The following DNAJC11 variants were observed in gnomAD, a reference collection of about 807,000 sequenced individuals.
DNAJC11 encodes DnaJ heat shock protein family (Hsp40) member C11, also known as dnaJ homolog subfamily C member 11.
Under a neutral mutation model 78.6 loss-of-function variants are expected in DNAJC11, and 15 were observed. That is an observed-to-expected ratio of 0.19 (90% CI 0.13 to 0.29). The LOEUF is 0.29. Ranked by LOEUF, DNAJC11 falls within the 10% of genes least tolerant of loss-of-function variation. DNAJC11 has a pLI of 1.00. For synonymous variants in DNAJC11, 292 were observed against 272.1 expected (o/e 1.07, Z -0.72); for missense variants, 547 against 709.6 (o/e 0.77, Z 2.60).
chr1:6,652,753 G>C, intron 6 of DNAJC11, 76 bp downstream of exon 6: 1 of 1,589,850 alleles, frequency 6.3e-7, no homozygotes. Flanking sequence ...GAGTTTGAGG[G>C]TGAGCTTTGA....
At chr1:6,687,875 T>G (rs1642683082) in intron 1 of DNAJC11, among the ~76,000 whole-genome samples, 1 of 152,174 alleles carries the variant, frequency 6.6e-6, no homozygotes, top group Non-Finnish European at 1.5e-5. Flanking sequence ...CTGACTGATC[T>G]CCACAGGAAC....
intron 7 of DNAJC11, among the ~76,000 whole-genome samples, chr1:6,648,162 T>A (rs1178818730): frequency 6.6e-6 from 1 of 152,152 alleles, no homozygotes; most frequent in African/African-American, 2.4e-5. Context: ...GCAGCTTTTT[T>A]TCTTTTTTTT....
intron 1 of DNAJC11, among the ~76,000 whole-genome samples, chr1:6,682,763 A>C (rs1181488046): frequency 1.3e-5 from 2 of 152,122 alleles, no homozygotes; most frequent in Non-Finnish European, 2.9e-5. Context: ...CCCCATATCT[A>C]CCCAAAATAC....
Position 6,654,240 on chromosome 1 carries a change from G to A in DNAJC11, c.379-201C>T, listed in dbSNP as rs1037312355. 2.0e-5 allele frequency: 10 copies of A among 491,794 alleles called. No individual in the cohort carries two copies. The Admixed American group carries it at 3.2e-4, about 16-fold the overall frequency. 30.5% of individuals were successfully genotyped at this position (491,794 alleles called of 1,614,324 possible). On this transcript the variant is annotated intron_variant, in intron 4 of 15. Coordinates refer to ENST00000377577, the MANE Select transcript of DNAJC11 (RefSeq NM_018198.4). ...AACCAAACTGCAGAGCACCACAGACGTCCAGAGCTAGAAAACATCATTTGA... is the reference window on the plus strand; with the variant it reads ...AACCAAACTGCAGAGCACCACAGACATCCAGAGCTAGAAAACATCATTTGA...
intron 3 of DNAJC11, among the ~76,000 whole-genome samples, chr1:6,673,496 C>T (rs1469591342): frequency 6.6e-6 from 1 of 152,186 alleles, no homozygotes. Flanking sequence ...TCATCTGGTT[C>T]TAGCTAGTAA....
chr1:6,668,254 A>C (rs1343942968), intron 3 of DNAJC11: 1 of 155,126 alleles, frequency 6.4e-6, no homozygotes, highest in Admixed American at 6.4e-5. Context: ...CTCCTGCCTC[A>C]GCCTCCTGAG....
At chr1:6,639,870 G>A (rs768392705) in intron 11 of DNAJC11, 32 bp downstream of exon 11, 1 of 1,604,044 alleles carries the variant, frequency 6.2e-7, no homozygotes, top group South Asian at 1.1e-5. Flanking sequence ...CACAGGGCTG[G>A]CTAGTGACAT....
At chr1:6,690,215 C>T (rs928045160) in intron 1 of DNAJC11, among the ~76,000 whole-genome samples, 1 of 151,988 alleles carries the variant, frequency 6.6e-6, no homozygotes, top group Non-Finnish European at 1.5e-5. Context: ...TATATATATA[C>T]CAGATCAACG....
At chr1:6,651,695 C>A in intron 6 of DNAJC11, 93 bp from the exon 7 acceptor site, 1 of 907,682 alleles carries the variant, frequency 1.1e-6, no homozygotes. Context: ...ATAATTCCTT[C>A]ATTCAATTCA....
Position 6,645,545 on chromosome 1 carries a change from ATGT to A in DNAJC11, c.894+241_894+243del, listed in dbSNP as rs1641951630. Among the ~76,000 whole-genome samples, 1 of 152,084 alleles carries A rather than the reference ATGT, an allele frequency of 6.6e-6. No individual in the cohort carries two copies. The highest frequency in any genetic ancestry group is 1.5e-5 in the Non-Finnish European group (1 of 68,016). On this transcript the variant is annotated intron_variant, in intron 8 of 15. Coordinates refer to ENST00000377577, the MANE Select transcript of DNAJC11 (RefSeq NM_018198.4). The surrounding 1 kb of genome is among the most constrained non-coding windows in gnomAD (Gnocchi z 4.1). ...TGGGTGGCTCCCACCAGACATTAAG[ATGT>A]TGTTCTGCTTTAAGATGATCCAACA... is the stretch of plus-strand genomic sequence containing the variant.
chr1:6,673,257 A>C (rs1642409622), intron 3 of DNAJC11, among the ~76,000 whole-genome samples: 1 of 150,166 alleles, frequency 6.7e-6, no homozygotes, highest in African/African-American at 2.4e-5. Flanking sequence ...GTTCCAGACC[A>C]ACCCGGGCAA....
chr1:6,669,548 A>G (rs909524399), intron 3 of DNAJC11, among the ~76,000 whole-genome samples: 1 of 151,598 alleles, frequency 6.6e-6, no homozygotes, highest in African/African-American at 2.4e-5. Flanking sequence ...AAGAAAAGAA[A>G]AGAAAAGAAA....
intron 1 of DNAJC11, among the ~76,000 whole-genome samples, chr1:6,693,981 G>A (rs967657838): frequency 2.0e-5 from 3 of 151,742 alleles, no homozygotes; most frequent in Admixed American, 6.6e-5. Flanking sequence ...GATTACAGGC[G>A]CCCGCCATCA....
chr1:6,686,333 A>C (rs1642656447), intron 1 of DNAJC11, among the ~76,000 whole-genome samples: 1 of 152,230 alleles, frequency 6.6e-6, no homozygotes, highest in Admixed American at 6.5e-5. Context: ...ATAACTTAAG[A>C]ATGTAAAGGA....
rs1570280379 is a variant in DNAJC11 at position 6,656,502 on chromosome 1, T to G, written c.379-2463A>C. Among the ~76,000 whole-genome samples the G allele has an allele frequency of 2.0e-5, 3 of 152,144 alleles. No individual in the cohort carries two copies. In the South Asian group the frequency reaches 6.2e-4, roughly 31 times the overall value. On this transcript the variant is annotated intron_variant, in intron 4 of 15. Transcript: ENST00000377577. ...AAATACTTGGGCCAAGATATTTTTATGTTCTAATATGAAGAAATTTAGAAT... is the reference window on the plus strand; with the variant it reads ...AAATACTTGGGCCAAGATATTTTTAGGTTCTAATATGAAGAAATTTAGAAT...
At position 6,644,411 on chromosome 1, in the gene DNAJC11, G is replaced by C. The variant is rs1487568798; in HGVS notation, c.1097+147C>G. On this transcript the variant is annotated intron_variant, in intron 10 of 15. Transcript: ENST00000377577. ...GGCCTCCTAAAGTGCTGGGATTACA[G>C]GCATAAGCCACTGCACCTAGCCAAG... 6 of 674,822 alleles carry C rather than the reference G, an allele frequency of 8.9e-6. No individual in the cohort carries two copies. In the African/African-American group the frequency reaches 1.1e-4, roughly 12 times the overall value. 41.8% of individuals were successfully genotyped at this position (674,822 alleles called of 1,614,324 possible).
intron 3 of DNAJC11, among the ~76,000 whole-genome samples, chr1:6,669,333 A>C (rs906336325): frequency 3.3e-5 from 5 of 151,466 alleles, no homozygotes; most frequent in African/African-American, 1.2e-4. Flanking sequence ...AACATGGTGA[A>C]ACCCTGTCTC....
intron 2 of DNAJC11, among the ~76,000 whole-genome samples, chr1:6,678,985 A>T (rs1230398689): frequency 6.6e-6 from 1 of 152,198 alleles, no homozygotes; most frequent in Non-Finnish European, 1.5e-5. Context: ...ACAAATGAGA[A>T]AAGTCAGATT....
At chr1:6,699,142 A>G (rs893688324) in intron 1 of DNAJC11, among the ~76,000 whole-genome samples, 8 of 151,162 alleles carry the variant, frequency 5.3e-5, no homozygotes, top group African/African-American at 1.9e-4. Flanking sequence ...TCTACAAAAG[A>G]TACAAAAATT....
Sources: allele counts gnomAD v4.1 joint callset (sites outside exome capture counted in the v4.1 genomes callset), GRCh38; gene constraint gnomAD v4.1.1; non-coding constraint Gnocchi (gnomAD v3.1); transcripts MANE v1.5; gene names NCBI Gene and HGNC (gene_info 2026-07-23, HGNC 2026-07-21).